Variants in PTCH1 observed in about 807,000 individuals in gnomAD.
PTCH1 encodes the protein protein patched homolog 1.
Under a neutral mutation model 144.6 loss-of-function variants are expected in PTCH1, and 14 were observed. That is an observed-to-expected ratio of 0.10 (90% CI 0.06 to 0.15). The LOEUF is 0.15. Among genes scored for constraint, PTCH1 ranks in the 10% least tolerant of loss-of-function variants. The probability of loss-of-function intolerance (pLI) is 1.00; values close to 1 mark genes in which losing one functional copy is unlikely to be tolerated. For missense variants in PTCH1, 1,623 were observed against 1,948.3 expected, an observed-to-expected ratio of 0.83 and a Z score of 3.14; for synonymous variants, 833 against 793.6, an observed-to-expected ratio of 1.05 and a Z score of -0.83.
chr9:95,502,123 G>A lies in PTCH1; in HGVS notation c.394+4284C>T, dbSNP rs976874119. On this transcript the variant is annotated intron_variant, in intron 2 of 23. Transcript: ENST00000331920. ...CTGCCCTCCAGGAGGCCACATTCCT[G>A]TTCTCTGAGCCTTTGCCTATGCTGT... is the stretch of plus-strand genomic sequence containing the variant. Among the ~76,000 whole-genome samples the A allele has an allele frequency of 3.9e-5, 6 of 152,284 alleles. No individual in the cohort carries two copies. In the South Asian group the frequency reaches 1.2e-3, roughly 32 times the overall value.
At chr9:95,448,034 G>T (rs1838119856) in intron 22 of PTCH1, among the ~76,000 whole-genome samples, 1 of 152,250 alleles carries the variant, frequency 6.6e-6, no homozygotes, top group Non-Finnish European at 1.5e-5. Flanking sequence ...TTTCGTCACT[G>T]CGGAGGGCTG....
chr9:95,449,393 G>A lies in PTCH1; in HGVS notation c.3550-70C>T, dbSNP rs970787137. 2 of 1,533,314 alleles carry A rather than the reference G, an allele frequency of 1.3e-6. No homozygotes were observed. Among genetic ancestry groups the A allele is most frequent in the Admixed American group, 2.0e-5 (1 of 51,000 alleles). The allele number at this position is 1,533,314 out of a possible 1,614,324, so 95.0% of individuals were successfully genotyped here. A position where few individuals can be genotyped will look rare whatever the true frequency, so the allele number is the denominator to read the frequency against. On this transcript the variant is annotated intron_variant, in intron 21 of 23. Coordinates refer to ENST00000331920, the MANE Select transcript of PTCH1 (RefSeq NM_000264.5). The surrounding 1 kb of genome is among the most constrained non-coding windows in gnomAD (Gnocchi z 5.3). ...CTGCTGGCCACACTCAAAGCTCAAA[G>A]CACGGTATTTTTCAGGGGCCTCTGT...
intron 3 of PTCH1, chr9:95,484,351 T>C (rs1256958961): frequency 1.3e-5 from 2 of 152,206 alleles, no homozygotes; most frequent in Admixed American, 6.5e-5. Flanking sequence ...TCTGGTCTTG[T>C]TCTGGGAACC....
chr9:95,516,669 C>T (rs1020406723), exon 1 of PTCH1: 3 of 1,612,770 alleles, frequency 1.9e-6, no homozygotes, highest in African/African-American at 1.3e-5. Context: ...TTTTTCTTCT[C>T]CTCCGTTTTC....
At chr9:95,470,346 A>C (rs1840452758) in intron 12 of PTCH1, among the ~76,000 whole-genome samples, 1 of 152,216 alleles carries the variant, frequency 6.6e-6, no homozygotes, top group Non-Finnish European at 1.5e-5. Flanking sequence ...ATTTTTATAT[A>C]AAGTGGATCG....
Position 95,446,966 on chromosome 9 carries a change from A to T in PTCH1, c.4290T>A (p.Ile1430=), listed in dbSNP as rs751915096. The change falls in exon 23 of 24, where the codon ATT becomes ATA. Residue 1430 remains isoleucine (I), a synonymous_variant. Coordinates refer to ENST00000331920, the MANE Select transcript of PTCH1 (RefSeq NM_000264.5). ...CERRDSKVEV[I]ELQDVECEER... ...CCTCGCATTCCACGTCCTGCAGCTC[A>T]ATGACTTCCACCTTCGAATCCCTCC... The T allele has an allele frequency of 6.2e-7, 1 of 1,614,180 alleles. No homozygotes were observed.
chr9:95,504,396 T>C (rs1407161987), intron 2 of PTCH1, among the ~76,000 whole-genome samples: 3 of 152,216 alleles, frequency 2.0e-5, no homozygotes, highest in East Asian at 1.9e-4. Flanking sequence ...TCCAGAAATA[T>C]GCAATGTTAA....
At chr9:95,511,014 G>C (rs1212747241), upstream of PTCH1, among the ~76,000 whole-genome samples, 1 of 149,978 alleles carries the variant, frequency 6.7e-6, no homozygotes, top group Non-Finnish European at 1.5e-5. Flanking sequence ...CGGACGCGCC[G>C]TAGTACATTC....
At chr9:95,453,131 A>G (rs926057398) in intron 20 of PTCH1, 3 of 355,866 alleles carry the variant, frequency 8.4e-6, no homozygotes, top group African/African-American at 4.2e-5. Flanking sequence ...ACCTGAGCTA[A>G]TAACAATATT....
intron 22 of PTCH1, 126 bp downstream of exon 22, chr9:95,448,943 T>C: frequency 5.9e-6 from 8 of 1,349,460 alleles, no homozygotes; most frequent in South Asian, 1.3e-5. Context: ...ACCTAGTCTG[T>C]ACCTTATCTC....
chr9:95,457,915 T>TC (rs1839083733), intron 18 of PTCH1, 98 bp downstream of exon 18: 5 of 1,491,974 alleles, frequency 3.4e-6, no homozygotes, highest in Non-Finnish European at 1.9e-6. Context: ...AGCTATACCC[T>TC]CCTCCAGAGG....
rs1211510087 is a variant in PTCH1, at chr9:95,509,137, G to A, written c.-776C>T. 6.6e-6 allele frequency among the ~76,000 whole-genome samples: 1 copy of A among 152,098 alleles called. No homozygotes were observed. Among genetic ancestry groups the A allele is most frequent in the East Asian group, 1.9e-4 (1 of 5,170 alleles). On this transcript the variant is annotated 5_prime_UTR_variant, in exon 1 of 24. Coordinates refer to ENST00000331920, the MANE Select transcript of PTCH1 (RefSeq NM_000264.5). ...GCCTCTCTCGCTCCCGGGACCTGGG[G>A]ACTCCGCTCTGTGTGTGTGCAGCGG...
In PTCH1 at chr9:95,507,434, T is replaced by A. The variant is rs994282231; in HGVS notation, c.201+727A>T. The A allele has an allele frequency of 3.0e-6, 3 of 985,294 alleles. No individual in the cohort carries two copies. In the African/African-American group the frequency reaches 5.2e-5, roughly 17 times the overall value. 61.0% of individuals were successfully genotyped at this position (985,294 alleles called of 1,614,324 possible). On this transcript the variant is annotated intron_variant, in intron 1 of 23. Coordinates refer to ENST00000331920, the MANE Select transcript of PTCH1 (RefSeq NM_000264.5). The stretch of plus-strand genomic sequence containing the variant: ...CTCGCCTTCCCTGGATTCCACACAT[T>A]TCAGCGAGCCTCGTAAACACAATGA...
At chr9:95,471,640 G>A (rs1840589943) in intron 12 of PTCH1, among the ~76,000 whole-genome samples, 1 of 152,238 alleles carries the variant, frequency 6.6e-6, no homozygotes, top group African/African-American at 2.4e-5. Flanking sequence ...CTCGAATGAT[G>A]GATGGCGTCA....
intron 2 of PTCH1, among the ~76,000 whole-genome samples, chr9:95,502,263 C>T (rs1282001145): frequency 6.6e-6 from 1 of 152,242 alleles, no homozygotes; most frequent in Non-Finnish European, 1.5e-5. Flanking sequence ...CATCTTGGCA[C>T]TGCTGTCCTT....
rs532070584 is a variant in PTCH1 at position 95,468,413 on chromosome 9, G to T, written c.2250+338C>A. On this transcript the variant is annotated intron_variant, in intron 14 of 23. Coordinates refer to ENST00000331920, the MANE Select transcript of PTCH1 (RefSeq NM_000264.5). ...AGGGTTGGCCTTTGTTGCCTAGGCT[G>T]TTCTCGAACTCCTGGCTCAAACAAT... Among the ~76,000 whole-genome samples, 4 of 152,250 alleles carry T rather than the reference G, an allele frequency of 2.6e-5. No homozygotes were observed. The South Asian group carries it at 8.3e-4, about 32-fold the overall frequency.
intron 1 of PTCH1, chr9:95,507,301 T>G: frequency 1.0e-6 from 1 of 985,290 alleles, no homozygotes; most frequent in Non-Finnish European, 1.2e-6. Context: ...TGGTTAAACG[T>G]AAAAAACAGC....
intron 12 of PTCH1, among the ~76,000 whole-genome samples, chr9:95,474,303 C>T (rs1187724013): frequency 2.0e-5 from 3 of 152,084 alleles, no homozygotes; most frequent in African/African-American, 4.8e-5. Context: ...AACAGTTTCT[C>T]AATACCAGCA....
chr9:95,497,888 G>A (rs1842890665), intron 2 of PTCH1, among the ~76,000 whole-genome samples: 1 of 152,032 alleles, frequency 6.6e-6, no homozygotes, highest in Non-Finnish European at 1.5e-5. Flanking sequence ...ACAGAGCAGA[G>A]GGTTTACCCC....
Sources: allele counts gnomAD v4.1 joint callset (sites outside exome capture counted in the v4.1 genomes callset), GRCh38; gene constraint gnomAD v4.1.1; non-coding constraint Gnocchi (gnomAD v3.1); transcripts MANE v1.5; gene names NCBI Gene and HGNC (gene_info 2026-07-23, HGNC 2026-07-21).